The following PEAK1 variants were observed in gnomAD, a reference collection of about 807,000 sequenced individuals.
PEAK1 encodes the protein pseudopodium enriched atypical kinase 1.
A neutral mutation model predicts 124.7 loss-of-function variants in PEAK1; 54 were observed. That is an observed-to-expected ratio of 0.43 (90% CI 0.35 to 0.54). The LOEUF (loss-of-function observed/expected upper bound fraction) is 0.54, where lower values mean the gene tolerates loss of function less well. Among genes scored for constraint, PEAK1 ranks in the 20% least tolerant of loss-of-function variants. PEAK1 has a pLI of 0.01. For missense variants in PEAK1, 2,046 were observed against 2,134.5 expected (o/e 0.96, Z 0.82); for synonymous variants, 719 against 760.0 (o/e 0.95, Z 0.89).
chr15:77,362,979 C>A (rs1294141507), intron 2 of PEAK1, among the ~76,000 whole-genome samples: 1 of 152,100 alleles, frequency 6.6e-6, no homozygotes, highest in Admixed American at 6.6e-5. Context: ...CCTCAGCCTC[C>A]CAAGTAGCTG....
intron 5 of PEAK1, among the ~76,000 whole-genome samples, chr15:77,253,065 G>A (rs138352589): frequency 3.3e-5 from 5 of 151,986 alleles, no homozygotes; most frequent in Admixed American, 3.3e-4. Context: ...TCTGATTCTT[G>A]AGCATCTATC....
intron 7 of PEAK1, among the ~76,000 whole-genome samples, chr15:77,160,879 G>A (rs2055575254): frequency 6.6e-6 from 1 of 152,056 alleles, no homozygotes; most frequent in Admixed American, 6.5e-5. Flanking sequence ...AAAAGGGTTG[G>A]TGAAGGGTTC....
chr15:77,147,350 A>G (rs1346554534), intron 8 of PEAK1, among the ~76,000 whole-genome samples: 3 of 152,216 alleles, frequency 2.0e-5, no homozygotes, highest in African/African-American at 7.2e-5. Context: ...GGATGTTGGG[A>G]TGCAGAAAGA....
In PEAK1 at chr15:77,115,127, C is replaced by G. The variant is rs376287797; in HGVS notation, c.4270G>C (p.Asp1424His). 3.5e-5 allele frequency: 56 copies of G among 1,614,022 alleles called. No individual in the cohort carries two copies. Among genetic ancestry groups the G allele is most frequent in the Non-Finnish European group, 4.5e-5 (53 of 1,180,016 alleles). The change falls in exon 10 of 10, where the codon GAC (aspartate) becomes CAC (histidine). Residue 1424 changes from aspartate to histidine, a missense_variant. Coordinates refer to ENST00000682557, the MANE Select transcript of PEAK1 (RefSeq NM_001385026.1). ...DEDDMEETEE[D>H]AKGETDGKNP... ...TTCCCATCCGTTTCTCCTTTGGCGT[C>G]TTCTTCAGTCTCTTCCATGTCATCC...
In PEAK1 at chr15:77,181,374, T is replaced by C. The variant is rs1297310065; in HGVS notation, c.553A>G (p.Lys185Glu). Residue 185 changes from lysine (K) to glutamate (E), a missense_variant, in exon 7 of 10, where the codon AAA becomes GAA. Coordinates refer to ENST00000682557, the MANE Select transcript of PEAK1 (RefSeq NM_001385026.1). ...GGAAGCTTTCTTTCCAATGATCGTT[T>C]ATAGCAATCATTTATTCTTCCCAAG... ...TFLGRINDCY[K>E]RSLERKLPPS... 1 of 1,614,152 alleles carries C rather than the reference T, an allele frequency of 6.2e-7. No homozygotes were observed. Among genetic ancestry groups the C allele is most frequent in the South Asian group, 1.1e-5 (1 of 91,084 alleles).
rs373089937 is a variant in PEAK1, at chr15:77,158,475, A to G, written c.3331+28T>C. 83 of 1,598,600 alleles carry G rather than the reference A, an allele frequency of 5.2e-5. No individual in the cohort carries two copies. In the African/African-American group the frequency reaches 1.0e-3, roughly 19 times the overall value. On this transcript the variant is annotated intron_variant, in intron 8 of 9. Coordinates refer to ENST00000682557, the MANE Select transcript of PEAK1 (RefSeq NM_001385026.1). ...TAGTACAGAAAAAGGCAAAGTTTAA[A>G]TACTACTTATTGGACATTTGCACTT...
chr15:77,327,167 T>C (rs908722318), intron 2 of PEAK1, among the ~76,000 whole-genome samples: 1 of 152,078 alleles, frequency 6.6e-6, no homozygotes, highest in African/African-American at 2.4e-5. Context: ...AAGAAAATAT[T>C]CAAAGTTTTC....
At chr15:77,355,010 G>A (rs2067427492) in intron 2 of PEAK1, among the ~76,000 whole-genome samples, 1 of 151,654 alleles carries the variant, frequency 6.6e-6, no homozygotes, top group African/African-American at 2.4e-5. Context: ...CTGCACTCCA[G>A]CCTGGGCGAC....
chr15:77,287,298 C>G (rs2062980003), intron 2 of PEAK1, among the ~76,000 whole-genome samples: 1 of 152,070 alleles, frequency 6.6e-6, no homozygotes, highest in African/African-American at 2.4e-5. Context: ...CACATAGCAG[C>G]TCATGAAATG....
chr15:77,166,039 G>C (rs2056073911), intron 7 of PEAK1, among the ~76,000 whole-genome samples: 1 of 151,966 alleles, frequency 6.6e-6, no homozygotes, highest in South Asian at 2.1e-4. Context: ...CTTTTAGTTA[G>C]AAGAAAAAAA....
At chr15:77,378,920 T>C (rs1214631929) in intron 1 of PEAK1, among the ~76,000 whole-genome samples, 1 of 152,204 alleles carries the variant, frequency 6.6e-6, no homozygotes, top group Non-Finnish European at 1.5e-5. Context: ...ATGGACTGTG[T>C]AAGTCCGAGG....
intron 6 of PEAK1, among the ~76,000 whole-genome samples, chr15:77,203,302 T>A (rs1424477071): frequency 6.6e-6 from 1 of 152,156 alleles, no homozygotes; most frequent in African/African-American, 2.4e-5. Context: ...TTCAAACTGG[T>A]ATTGTTCAAT....
chr15:77,147,849 T>G (rs1387382303), intron 8 of PEAK1, among the ~76,000 whole-genome samples: 1 of 152,240 alleles, frequency 6.6e-6, no homozygotes, highest in African/African-American at 2.4e-5. Flanking sequence ...AAAGCAGAGC[T>G]GTTCAATAGA....
chr15:77,186,198 T>C (rs1295903571), intron 6 of PEAK1, among the ~76,000 whole-genome samples: 1 of 152,218 alleles, frequency 6.6e-6, no homozygotes, highest in Non-Finnish European at 1.5e-5. Flanking sequence ...CTTAGCACTA[T>C]GCAGCACTGA....
In PEAK1 at chr15:77,332,081, G is replaced by A. The variant is rs560584614; in HGVS notation, c.-603+33082C>T. The A allele has an allele frequency of 1.2e-4, 73 of 584,076 alleles. 1 individual carries two copies. In the South Asian group the frequency reaches 4.4e-3, roughly 35 times the overall value. The allele number at this position is 584,076 out of a possible 1,614,324, so 36.2% of individuals were successfully genotyped here. On this transcript the variant is annotated intron_variant, in intron 2 of 9. Coordinates refer to ENST00000682557, the MANE Select transcript of PEAK1 (RefSeq NM_001385026.1). The stretch of plus-strand genomic sequence containing the variant: ...GCGAAACTGTCTCTACTAAAAATAC[G>A]CCACTGCATTCCAGCCTGGGTGACA...
intron 2 of PEAK1, among the ~76,000 whole-genome samples, chr15:77,358,710 C>A (rs919111903): frequency 2.6e-5 from 4 of 152,160 alleles, no homozygotes; most frequent in Admixed American, 6.5e-5. Context: ...GTACAAAGTG[C>A]AGTGATAGCT....
rs552246073 is a variant in PEAK1 at position 77,296,259 on chromosome 15, G to A, written c.-602-9755C>T. On this transcript the variant is annotated intron_variant, in intron 2 of 9. Transcript: ENST00000682557. ...AATGGTAAAGGAGATTTGATTATAT[G>A]AATATTGAATTATTACATATGCCCT... Among the ~76,000 whole-genome samples the A allele has an allele frequency of 2.4e-3, 359 of 152,228 alleles. 1 individual carries two copies. The highest frequency in any genetic ancestry group is 8.2e-3 in the African/African-American group (341 of 41,510).
intron 2 of PEAK1, chr15:77,332,171 C>T (rs1024047819): frequency 1.6e-5 from 15 of 965,764 alleles, no homozygotes; most frequent in Non-Finnish European, 1.7e-5. Flanking sequence ...TAGAGAATAG[C>T]TAGTAATATA....
chr15:77,392,657 A>G (rs764168349), intron 1 of PEAK1, among the ~76,000 whole-genome samples: 1 of 152,162 alleles, frequency 6.6e-6, no homozygotes, highest in Non-Finnish European at 1.5e-5. Flanking sequence ...TTCTACCCTC[A>G]TGGACGGTCT....
Sources: gnomAD v4.1 joint callset for allele counts (sites outside exome capture counted in the v4.1 genomes callset) on GRCh38, gnomAD v4.1.1 for gene constraint, MANE v1.5 for transcripts, NCBI Gene and HGNC (gene_info 2026-07-23, HGNC 2026-07-21) for gene names.